NDRG2: variants seen among roughly 807,000 people sequenced by gnomAD.
NDRG2 encodes the protein protein NDRG2.
Under a neutral mutation model 58.2 loss-of-function variants are expected in NDRG2, and 34 were observed. The observed-to-expected ratio is 0.58, with a 90% CI of 0.44 to 0.78. The LOEUF (loss-of-function observed/expected upper bound fraction) is 0.78, where lower values mean the gene tolerates loss of function less well. Among genes scored for constraint, NDRG2 ranks in the 30% least tolerant of loss-of-function variants. The pLI is 0.00. For missense variants in NDRG2, 434 were observed against 471.2 expected (o/e 0.92, Z 0.73); for synonymous variants, 187 against 175.9 (o/e 1.06, Z -0.50).
intron 1 of NDRG2, among the ~76,000 whole-genome samples, chr14:21,050,709 G>A (rs60549028): frequency 0.025 from 3,803 of 152,226 alleles, 157 homozygotes; most frequent in African/African-American, 0.086. Flanking sequence ...AATTTCATTT[G>A]TGGTAATAAT....
Position 21,019,723 on chromosome 14 carries a change from G to C in NDRG2, c.632C>G (p.Ser211Cys). Residue 211 changes from serine to cysteine, a missense_variant, in exon 10 of 16, where the codon TCT (serine) becomes TGT (cysteine). Coordinates refer to ENST00000556147, the MANE Select transcript of NDRG2 (RefSeq NM_001320329.2). Reference protein sequence around the residue: ...LFSQEELSGNSELIQKYRNII... With the variant: ...LFSQEELSGNCELIQKYRNII... ...ATTTCTGTACTTTTGTATCAACTCA[G>C]AATTTCCAGAGAGCTCTTCCTGAAG... The C allele has an allele frequency of 6.2e-7, 1 of 1,612,976 alleles. No homozygotes were observed. Among genetic ancestry groups the C allele is most frequent in the Non-Finnish European group, 8.5e-7 (1 of 1,179,010 alleles).
At chr14:21,018,874 G>A in intron 11 of NDRG2, 60 bp from the exon 12 acceptor site, 1 of 1,594,964 alleles carries the variant, frequency 6.3e-7, no homozygotes, top group Middle Eastern at 1.7e-4. Flanking sequence ...ACTGGCCTCT[G>A]CCTAGGAGTG....
upstream of NDRG2, chr14:21,025,438 T>G: frequency 4.1e-6 from 4 of 985,438 alleles, no homozygotes; most frequent in South Asian, 4.7e-5. The surrounding 1 kb of genome is among the most constrained non-coding windows in gnomAD (Gnocchi z 5.1). Context: ...GCCCCCAGAC[T>G]CAGTGGTGGG....
chr14:21,018,600 T>C, intron 12 of NDRG2, 96 bp from the exon 13 acceptor site: 2 of 1,558,018 alleles, frequency 1.3e-6, no homozygotes, highest in South Asian at 1.2e-5. Context: ...CCCTTTTCTA[T>C]CAGCTCCCTA....
At chr14:21,043,666 G>C in intron 1 of NDRG2, 1 of 556,632 alleles carries the variant, frequency 1.8e-6, no homozygotes, top group Non-Finnish European at 3.2e-6. Context: ...TGTTTTCCCA[G>C]ATGCTTATCC....
intron 1 of NDRG2, among the ~76,000 whole-genome samples, chr14:21,054,443 G>A (rs563220865): frequency 6.6e-6 from 1 of 152,160 alleles, no homozygotes; most frequent in South Asian, 2.1e-4. Flanking sequence ...GTGGGAACAG[G>A]CATTGACCAA....
In NDRG2 at chr14:21,058,525, C is replaced by G. The variant is rs113660993; in HGVS notation, c.24+12303G>C. The stretch of plus-strand genomic sequence containing the variant: ...TAGGGAGTTTTACAGACGCTCCAAA[C>G]GATGAAAGAAGAGGGCAGATTCTCT... On this transcript the variant is annotated intron_variant, in intron 1 of 14. Coordinates refer to the NDRG2 transcript ENST00000403829. 5.0e-6 allele frequency: 3 copies of G among 603,916 alleles called. No homozygotes were observed. In the African/African-American group the frequency reaches 5.6e-5, roughly 11 times the overall value. 37.4% of individuals were successfully genotyped at this position (603,916 alleles called of 1,614,324 possible).
At chr14:21,045,639 G>C (rs771241902) in intron 1 of NDRG2, among the ~76,000 whole-genome samples, 2 of 152,112 alleles carry the variant, frequency 1.3e-5, no homozygotes, top group Non-Finnish European at 2.9e-5. Flanking sequence ...TATGGTTTTA[G>C]AGACATTCTC....
chr14:21,019,704 G>A lies in NDRG2; in HGVS notation c.651C>T (p.Tyr217=). 1 of 1,613,730 alleles carries A rather than the reference G, an allele frequency of 6.2e-7. No individual in the cohort carries two copies. The highest frequency in any genetic ancestry group is 8.5e-7 in the Non-Finnish European group (1 of 1,179,658). Residue 217 remains tyrosine, a synonymous_variant, in exon 10 of 16, where the codon TAC becomes TAT. Transcript: ENST00000556147. ...TGGGTGCATGTGTAATGATATTTCTGTACTTTTGTATCAACTCAGAATTTC... is the reference window on the plus strand; with the variant it reads ...TGGGTGCATGTGTAATGATATTTCTATACTTTTGTATCAACTCAGAATTTC... ...LSGNSELIQK[Y]RNIITHAPNL...
chr14:21,032,268 C>A, intron 1 of NDRG2: 1 of 680,632 alleles, frequency 1.5e-6, no homozygotes. Flanking sequence ...ACACCCTTCG[C>A]TCTGCTTAGC....
At chr14:21,046,542 AATACATAC>A (rs71112542) in intron 1 of NDRG2, among the ~76,000 whole-genome samples, 8,245 of 109,920 alleles carry the variant, frequency 0.075, 269 homozygotes, top group South Asian at 0.13. Flanking sequence ...TCTCAAAACA[AATACATAC>A]ATACATACAT....
chr14:21,026,684 A>C (rs1363199293), upstream of NDRG2, among the ~76,000 whole-genome samples: 1 of 151,900 alleles, frequency 6.6e-6, no homozygotes, highest in Non-Finnish European at 1.5e-5. Flanking sequence ...AAATCTAAGG[A>C]GCTCCCCCTA....
At chr14:21,018,704 GACC>G (rs777550510) in intron 12 of NDRG2, 56 bp downstream of exon 12, 1 of 1,610,164 alleles carries the variant, frequency 6.2e-7, no homozygotes. Flanking sequence ...ATACTCTTCT[GACC>G]ACCACTTTAG....
chr14:21,023,593 C>T, intron 1 of NDRG2: 1 of 435,082 alleles, frequency 2.3e-6, no homozygotes, highest in Non-Finnish European at 4.2e-6. Context: ...AGACCCCTCC[C>T]TCCTCTGCCC....
chr14:21,062,036 G>T (rs997365408), intron 1 of NDRG2, among the ~76,000 whole-genome samples: 6 of 152,126 alleles, frequency 3.9e-5, no homozygotes, highest in African/African-American at 1.4e-4. Flanking sequence ...AGATCAAATA[G>T]TCGGTGAATA....
Position 21,042,951 on chromosome 14 carries a change from A to G in NDRG2, c.25-19630T>C, listed in dbSNP as rs771749325. The stretch of plus-strand genomic sequence containing the variant: ...TTTCTCAACTGAACACCTCTGTCCC[A>G]GCGACCCCTGCCCTCCATCCTGACT... On this transcript the variant is annotated intron_variant, in intron 1 of 14. Transcript: ENST00000403829. 5 of 1,562,830 alleles carry G rather than the reference A, an allele frequency of 3.2e-6. No homozygotes were observed. In the South Asian group the frequency reaches 6.0e-5, roughly 19 times the overall value.
chr14:21,060,962 AC>A (rs578128985), intron 1 of NDRG2, among the ~76,000 whole-genome samples: 4 of 152,238 alleles, frequency 2.6e-5, no homozygotes, highest in African/African-American at 4.8e-5. Flanking sequence ...TGCTCAATAC[AC>A]ATTACGGCCT....
chr14:21,055,980 T>C (rs1258969948), intron 1 of NDRG2, among the ~76,000 whole-genome samples: 1 of 151,944 alleles, frequency 6.6e-6, no homozygotes, highest in East Asian at 1.9e-4. Flanking sequence ...TGGGGAGGAG[T>C]GCACGAAGGG....
At chr14:21,053,558 C>A (rs1885557130) in intron 1 of NDRG2, among the ~76,000 whole-genome samples, 1 of 151,944 alleles carries the variant, frequency 6.6e-6, no homozygotes, top group African/African-American at 2.4e-5. Flanking sequence ...ACCCAGGAGG[C>A]AGAGTTTGCA....
Sources: allele counts gnomAD v4.1 joint callset (sites outside exome capture counted in the v4.1 genomes callset), GRCh38; gene constraint gnomAD v4.1.1; non-coding constraint Gnocchi (gnomAD v3.1); transcripts MANE v1.5; gene names NCBI Gene and HGNC (gene_info 2026-07-23, HGNC 2026-07-21).